Variants in NSD2 observed in about 807,000 individuals in gnomAD.
NSD2 encodes the protein histone-lysine N-methyltransferase NSD2.
Under a neutral mutation model 139.0 loss-of-function variants are expected in NSD2, and 12 were observed. The observed-to-expected ratio is 0.09, with a 90% CI of 0.06 to 0.14. NSD2 has a LOEUF of 0.14. Among genes scored for constraint, NSD2 ranks in the 10% least tolerant of loss-of-function variants. The probability of loss-of-function intolerance (pLI) is 1.00; values close to 1 mark genes in which losing one functional copy is unlikely to be tolerated. For missense variants in NSD2, 1,155 were observed against 1,745.0 expected, an observed-to-expected ratio of 0.66 and a Z score of 6.02; for synonymous variants, 669 against 648.7, an observed-to-expected ratio of 1.03 and a Z score of -0.48.
chr4:1,916,136 C>T (rs1054245127), intron 3 of NSD2, among the ~76,000 whole-genome samples: 6 of 152,044 alleles, frequency 3.9e-5, no homozygotes, highest in African/African-American at 1.4e-4. Context: ...TCCTGTCACT[C>T]TAGCACTGTG....
chr4:1,966,067 A>T (rs1357608468), intron 18 of NSD2, among the ~76,000 whole-genome samples: 2 of 152,346 alleles, frequency 1.3e-5, no homozygotes, highest in African/African-American at 2.4e-5. Context: ...AGAAAAAAAA[A>T]TGTTAACCAA....
chr4:1,973,333 C>T lies in NSD2; in HGVS notation c.3373-1530C>T, dbSNP rs765338279. Among the ~76,000 whole-genome samples, 10 of 152,222 alleles carry T rather than the reference C, an allele frequency of 6.6e-5. No homozygotes were observed. Among genetic ancestry groups the T allele is most frequent in the East Asian group, 1.9e-4 (1 of 5,198 alleles). On this transcript the variant is annotated intron_variant, in intron 18 of 21. Transcript: ENST00000508803. This position sits in a 1 kb window ranked among gnomAD's most constrained non-coding sequence, Gnocchi z 5.5. The stretch of plus-strand genomic sequence containing the variant: ...GTAGGTTAGACACGGTGCTGCCAGG[C>T]GTCAGAGGCTGGGTTGTCCTGTTGG...
intron 3 of NSD2, among the ~76,000 whole-genome samples, chr4:1,911,587 C>CA (rs372660600): frequency 0.11 from 4,373 of 41,612 alleles, 247 homozygotes; most frequent in Non-Finnish European, 0.15. Context: ...GACGCCATCT[C>CA]AAAAAAAAAA....
chr4:1,948,433 G>A lies in NSD2; in HGVS notation c.1882-2639G>A, dbSNP rs755529148. The A allele has an allele frequency of 1.9e-6, 2 of 1,066,304 alleles. No individual in the cohort carries two copies. The highest frequency in any genetic ancestry group is 5.0e-5 in the East Asian group (1 of 20,002). The allele number at this position is 1,066,304 out of a possible 1,614,324, so 66.1% of individuals were successfully genotyped here. On this transcript the variant is annotated intron_variant, in intron 9 of 21. Transcript: ENST00000508803. This position sits in a 1 kb window ranked among gnomAD's most constrained non-coding sequence, Gnocchi z 4.5. ...CCTGGTGCGTGGAGGTGGAGCCTGC[G>A]GCTGGAGTAAGGCTTGCTGTGGGAC...
intron 7 of NSD2, among the ~76,000 whole-genome samples, 172 bp downstream of exon 7, chr4:1,935,434 A>G (rs1247251562): frequency 3.9e-5 from 6 of 152,208 alleles, no homozygotes; most frequent in African/African-American, 1.4e-4. Flanking sequence ...CCATTGAGAA[A>G]GGCTGCTTGC....
At position 1,958,144 on chromosome 4, in the gene NSD2, C is replaced by CCAGG; in HGVS notation, c.2985+109_2985+112dup. On this transcript the variant is annotated intron_variant, in intron 16 of 21. Transcript: ENST00000508803. This position sits in a 1 kb window ranked among gnomAD's most constrained non-coding sequence, Gnocchi z 4.6. ...TGGCTGGGGAGAGGACTGTCACCAG[C>CCAGG]CAGGATCTGTGGTGCCTGGCATGGA... 1.8e-6 allele frequency: 2 copies of CCAGG among 1,137,588 alleles called. No individual in the cohort carries two copies. Among genetic ancestry groups the CCAGG allele is most frequent in the South Asian group, 2.9e-5 (2 of 69,772 alleles). 70.5% of individuals were successfully genotyped at this position (1,137,588 alleles called of 1,614,324 possible).
chr4:1,933,271 G>C (rs549188781), intron 6 of NSD2, among the ~76,000 whole-genome samples: 5 of 152,228 alleles, frequency 3.3e-5, no homozygotes, highest in Non-Finnish European at 7.3e-5. Context: ...TTGTACCTCT[G>C]CCTGAGGCCT....
intron 3 of NSD2, among the ~76,000 whole-genome samples, chr4:1,905,062 G>A (rs1286524003): frequency 3.9e-5 from 6 of 152,174 alleles, no homozygotes; most frequent in African/African-American, 1.4e-4. Context: ...CCCGGGAGGT[G>A]GAGGTTGCAG....
At position 1,871,494 on chromosome 4, in the gene NSD2, C is replaced by A; in HGVS notation, c.-78C>A. 6.6e-6 allele frequency: 1 copy of A among 150,802 alleles called. No homozygotes were observed. Among genetic ancestry groups the A allele is most frequent in the South Asian group, 1.8e-4 (1 of 5,608 alleles). 9.3% of individuals were successfully genotyped at this position (150,802 alleles called of 1,614,324 possible). ...CCGCCGCACGGCCCCGGCCCCCTCC[C>A]AGCCTGCCGCTCCGGAGAGCCGCCC... On this transcript the variant is annotated 5_prime_UTR_variant, in exon 1 of 22. Coordinates refer to ENST00000508803, the MANE Select transcript of NSD2 (RefSeq NM_001042424.3).
At chr4:1,969,950 A>T (rs1726273375) in intron 18 of NSD2, among the ~76,000 whole-genome samples, 3 of 152,246 alleles carry the variant, frequency 2.0e-5, no homozygotes, top group Non-Finnish European at 4.4e-5. Context: ...AACCTCAAGG[A>T]ACACACTAGA....
At position 1,956,495 on chromosome 4, in the gene NSD2, C is replaced by T. The variant is rs978437449; in HGVS notation, c.2881+307C>T. On this transcript the variant is annotated intron_variant, in intron 15 of 21. Transcript: ENST00000508803. The surrounding 1 kb of genome is among the most constrained non-coding windows in gnomAD (Gnocchi z 5.3). ...GCTTGCCTTTATGTAAAATGCAGATCTGAAGGAAGGGTCCTGTTGTCTCGA... is the reference window on the plus strand; with the variant it reads ...GCTTGCCTTTATGTAAAATGCAGATTTGAAGGAAGGGTCCTGTTGTCTCGA... Among the ~76,000 whole-genome samples, 21 of 152,118 alleles carry T rather than the reference C, an allele frequency of 1.4e-4. No homozygotes were observed. Among genetic ancestry groups the T allele is most frequent in the Admixed American group, 1.2e-3 (19 of 15,270 alleles).
chr4:1,956,865 C>T lies in NSD2; in HGVS notation c.2881+677C>T, dbSNP rs774369274. Among the ~76,000 whole-genome samples, 3 of 152,186 alleles carry T rather than the reference C, an allele frequency of 2.0e-5. No homozygotes were observed. Among genetic ancestry groups the T allele is most frequent in the Non-Finnish European group, 2.9e-5 (2 of 68,036 alleles). ...CTGTGTGACTGCAGGCGGGGACCCG[C>T]GTATTTAAAGCTTGGTTAGCTCCAT... On this transcript the variant is annotated intron_variant, in intron 15 of 21. Coordinates refer to ENST00000508803, the MANE Select transcript of NSD2 (RefSeq NM_001042424.3). This position sits in a 1 kb window ranked among gnomAD's most constrained non-coding sequence, Gnocchi z 5.3.
At chr4:1,913,063 T>C (rs1718885030) in intron 3 of NSD2, among the ~76,000 whole-genome samples, 1 of 152,244 alleles carries the variant, frequency 6.6e-6, no homozygotes, top group African/African-American at 2.4e-5. Context: ...CATTACTCTT[T>C]ATTCAAATAT....
At chr4:1,932,044 T>C (rs1174251016) in intron 6 of NSD2, among the ~76,000 whole-genome samples, 3 of 152,184 alleles carry the variant, frequency 2.0e-5, no homozygotes, top group Non-Finnish European at 2.9e-5. Context: ...ATGCAGGTTC[T>C]TGGGTGTCCT....
intron 1 of NSD2, among the ~76,000 whole-genome samples, chr4:1,872,589 T>TGAGAGAGAGA (rs1246397052): frequency 1.6e-3 from 73 of 44,304 alleles, no homozygotes; most frequent in East Asian, 4.5e-3. Flanking sequence ...TGTGTGTGTG[T>TGAGAGAGAGA]GTGAGAGAGA....
At chr4:1,912,239 C>G (rs369016670) in intron 3 of NSD2, 1 of 200,802 alleles carries the variant, frequency 5.0e-6, no homozygotes, top group South Asian at 6.5e-5. Context: ...ACTTCTAATA[C>G]TTTGATTTCT....
Position 1,974,661 on chromosome 4 carries a change from C to A in NSD2, c.3373-202C>A. 1 of 794,776 alleles carries A rather than the reference C, an allele frequency of 1.3e-6. No individual in the cohort carries two copies. Among genetic ancestry groups the A allele is most frequent in the Non-Finnish European group, 2.2e-6 (1 of 451,876 alleles). 49.2% of individuals were successfully genotyped at this position (794,776 alleles called of 1,614,324 possible). A position where few individuals can be genotyped will look rare whatever the true frequency, so the allele number is the denominator to read the frequency against. The stretch of plus-strand genomic sequence containing the variant: ...GCGCTCACTAAGGCTCGGTCCTCTC[C>A]ACGTGGTCCTGACCTGTCCTCTGTG... On this transcript the variant is annotated intron_variant, in intron 18 of 21. Transcript: ENST00000508803. The surrounding 1 kb of genome is among the most constrained non-coding windows in gnomAD (Gnocchi z 4.0).
At chr4:1,952,036 C>T (rs778359575) in intron 10 of NSD2, 72 bp from the exon 11 acceptor site, 93 of 1,552,748 alleles carry the variant, frequency 6.0e-5, no homozygotes, top group Admixed American at 5.4e-4. Context: ...CAGAAGCAGA[C>T]GGCTTCCCTT....
chr4:1,948,416 G>A lies in NSD2; in HGVS notation c.1882-2656G>A. ...CCGAGTGAGTCACGTCACCTGGTGC[G>A]TGGAGGTGGAGCCTGCGGCTGGAGT... is the stretch of plus-strand genomic sequence containing the variant. On this transcript the variant is annotated intron_variant, in intron 9 of 21. Coordinates refer to ENST00000508803, the MANE Select transcript of NSD2 (RefSeq NM_001042424.3). This position sits in a 1 kb window ranked among gnomAD's most constrained non-coding sequence, Gnocchi z 4.5. The A allele has an allele frequency of 1.9e-6, 2 of 1,066,278 alleles. No individual in the cohort carries two copies. The highest frequency in any genetic ancestry group is 2.3e-6 in the Non-Finnish European group (2 of 878,924). 66.1% of individuals were successfully genotyped at this position (1,066,278 alleles called of 1,614,324 possible).
Sources: gnomAD v4.1 joint callset for allele counts (sites outside exome capture counted in the v4.1 genomes callset) on GRCh38, gnomAD v4.1.1 for gene constraint, Gnocchi (gnomAD v3.1) non-coding constraint, MANE v1.5 for transcripts, NCBI Gene and HGNC (gene_info 2026-07-23, HGNC 2026-07-21) for gene names.